The following CDIN1 variants were observed in gnomAD, a reference collection of about 807,000 sequenced individuals.
The protein encoded by CDIN1 is CDAN1 interacting nuclease 1.
CDIN1 carries 33 observed loss-of-function variants against 45.3 expected under a neutral mutation model. That is an observed-to-expected ratio of 0.73 (90% CI 0.55 to 0.97). The LOEUF (loss-of-function observed/expected upper bound fraction) is 0.97. Among genes scored for constraint, CDIN1 ranks in the 50% least tolerant of loss-of-function variants. The pLI is 0.00. For missense variants in CDIN1, 303 were observed against 339.4 expected (o/e 0.89, Z 0.84); for synonymous variants, 118 against 124.4 (o/e 0.95, Z 0.34).
intron 4 of CDIN1, among the ~76,000 whole-genome samples, chr15:36,657,257 A>G (rs559028704): frequency 4.6e-5 from 7 of 152,256 alleles, no homozygotes; most frequent in African/African-American, 1.7e-4. Context: ...TATTATTAAC[A>G]TCTCTGCAAT....
intron 8 of CDIN1, 77 bp downstream of exon 8, chr15:36,697,467 TAAAGGA>T (rs1357738472): frequency 8.4e-6 from 10 of 1,190,984 alleles, no homozygotes; most frequent in Non-Finnish European, 1.1e-5. Flanking sequence ...AATCTTCCAC[TAAAGGA>T]AGAGTGAATG....
At chr15:36,632,227 T>C (rs1173796989) in intron 1 of CDIN1, among the ~76,000 whole-genome samples, 1 of 152,196 alleles carries the variant, frequency 6.6e-6, no homozygotes, top group African/African-American at 2.4e-5. Flanking sequence ...AGGGTTCCAA[T>C]TTCTCTACAT....
chr15:36,656,099 A>G (rs1458129854), intron 4 of CDIN1, among the ~76,000 whole-genome samples: 3 of 152,222 alleles, frequency 2.0e-5, no homozygotes, highest in Non-Finnish European at 4.4e-5. Flanking sequence ...TATGAAATTG[A>G]TAATGCATTA....
chr15:36,658,163 T>G (rs2040854900), intron 5 of CDIN1: 1 of 323,502 alleles, frequency 3.1e-6, no homozygotes, highest in Non-Finnish European at 5.7e-6. Flanking sequence ...ACTAAAAAAT[T>G]GATTCATCTT....
rs1196874730 is a variant in CDIN1 at position 36,764,235 on chromosome 15, T to G, written c.717-44089T>G. Among the ~76,000 whole-genome samples, 6 of 83,448 alleles carry G rather than the reference T, an allele frequency of 7.2e-5. No individual in the cohort carries two copies. In the South Asian group the frequency reaches 1.4e-3, roughly 20 times the overall value. The allele number at this position is 83,448 out of a possible 152,430, so 54.7% of individuals were successfully genotyped here. ...TTTGGTTTTTTTTTTTTTTTTTTTG[T>G]CATTGTGAAATCTGCTGTGTTATAA... On this transcript the variant is annotated intron_variant, in intron 10 of 10. Coordinates refer to ENST00000566621, the MANE Select transcript of CDIN1 (RefSeq NM_001321759.2).
chr15:36,635,714 G>T (rs925034417), intron 1 of CDIN1, among the ~76,000 whole-genome samples: 1 of 152,112 alleles, frequency 6.6e-6, no homozygotes, highest in Non-Finnish European at 1.5e-5. Flanking sequence ...AACTTTGTTC[G>T]GGGAGTTATA....
chr15:36,600,661 T>C (rs1326693740), intron 1 of CDIN1, among the ~76,000 whole-genome samples: 1 of 152,206 alleles, frequency 6.6e-6, no homozygotes, highest in African/African-American at 2.4e-5. Flanking sequence ...AAGATTTGTT[T>C]ATGGCTTGGT....
rs553433090 is a variant in CDIN1, at chr15:36,800,832, AAT to A, written c.717-7483_717-7482del. Among the ~76,000 whole-genome samples the A allele has an allele frequency of 2.3e-3, 331 of 143,400 alleles. 5 individuals are homozygous for A. The highest frequency in any genetic ancestry group is 2.8e-3 in the Non-Finnish European group (183 of 66,000). 94.1% of individuals were successfully genotyped at this position (143,400 alleles called of 152,430 possible). A position where few individuals can be genotyped will look rare whatever the true frequency, so the allele number is the denominator to read the frequency against. On this transcript the variant is annotated intron_variant, in intron 10 of 10. Transcript: ENST00000566621. ...AGCAACTCATAATAAGAGAAAAAGA[AAT>A]ATATATATGATTATGATTATACATA...
Position 36,655,897 on chromosome 15 carries a change from A to G in CDIN1, c.273+1739A>G, listed in dbSNP as rs79433305. 7.0e-3 allele frequency among the ~76,000 whole-genome samples: 1,072 copies of G among 152,290 alleles called. 10 individuals carry two copies. The highest frequency in any genetic ancestry group is 0.024 in the African/African-American group (1,011 of 41,550). Reference sequence around the variant, plus strand: ...ATGGATAGTTCTATATCCATTAAATATTTAGCTGACCTCAGTTTCAGTCTT... The same window carrying G: ...ATGGATAGTTCTATATCCATTAAATGTTTAGCTGACCTCAGTTTCAGTCTT... On this transcript the variant is annotated intron_variant, in intron 4 of 10. Transcript: ENST00000566621.
At chr15:36,779,223 G>T (rs948759629) in intron 10 of CDIN1, among the ~76,000 whole-genome samples, 5 of 152,168 alleles carry the variant, frequency 3.3e-5, no homozygotes, top group Non-Finnish European at 7.3e-5. Context: ...CCTAAACAAT[G>T]AATCTATTCG....
chr15:36,604,418 T>TACACACACAC (rs144533313), intron 1 of CDIN1, among the ~76,000 whole-genome samples: 5,964 of 128,754 alleles, frequency 0.046, 190 homozygotes, highest in Middle Eastern at 0.087. Context: ...TTTTAAAAGG[T>TACACACACAC]ACACACACAC....
chr15:36,751,228 T>TA (rs1566949709), intron 10 of CDIN1, among the ~76,000 whole-genome samples: 44 of 65,896 alleles, frequency 6.7e-4, no homozygotes, highest in Middle Eastern at 0.015. Flanking sequence ...ATATGCTTAT[T>TA]TTATATATAT....
chr15:36,625,112 C>G (rs2140325994), intron 1 of CDIN1, among the ~76,000 whole-genome samples: 1 of 151,872 alleles, frequency 6.6e-6, no homozygotes, highest in East Asian at 1.9e-4. Context: ...CCCGTCTCTA[C>G]TAAAAATACA....
chr15:36,808,416 C>T lies in CDIN1; in HGVS notation c.809C>T (p.Pro270Leu). Reference protein sequence around the residue: ...ERGILLKACFPTNIVTLCHSI... With the variant: ...ERGILLKACFLTNIVTLCHSI... Reference sequence around the variant, plus strand: ...GGCATCCTGCTCAAAGCCTGTTTCCCCACGAACATTGTCACCTTATGCCAC... The same window carrying T: ...GGCATCCTGCTCAAAGCCTGTTTCCTCACGAACATTGTCACCTTATGCCAC... The change falls in exon 11 of 11, where the codon CCC becomes CTC. Residue 270 changes from proline (P) to leucine (L), a missense_variant. Physicochemically the swap from Pro to Leu is moderately conservative, Grantham distance 98 (BLOSUM62 -3). Coordinates refer to ENST00000566621, the MANE Select transcript of CDIN1 (RefSeq NM_001321759.2). 1.2e-6 allele frequency: 2 copies of T among 1,613,508 alleles called. No individual in the cohort carries two copies. Among genetic ancestry groups the T allele is most frequent in the Non-Finnish European group, 1.7e-6 (2 of 1,179,610 alleles).
chr15:36,661,120 G>A (rs1308392427), intron 5 of CDIN1, among the ~76,000 whole-genome samples: 1 of 152,202 alleles, frequency 6.6e-6, no homozygotes, highest in East Asian at 1.9e-4. Flanking sequence ...GTGGATGGCA[G>A]TGCTGGTGCT....
intron 10 of CDIN1, among the ~76,000 whole-genome samples, chr15:36,754,840 GATTA>G (rs1473770948): frequency 1.3e-5 from 2 of 152,078 alleles, no homozygotes; most frequent in Non-Finnish European, 2.9e-5. Context: ...TATTGGGGAT[GATTA>G]ATTAAGCGTA....
At chr15:36,604,452 C>CACACACACACACACACACAA (rs2038265731) in intron 1 of CDIN1, among the ~76,000 whole-genome samples, 1 of 151,436 alleles carries the variant, frequency 6.6e-6, no homozygotes, top group East Asian at 1.9e-4. Flanking sequence ...CACACACACA[C>CACACACACACACACACACAA]ACACATTTTA....
chr15:36,630,145 C>G (rs968699691), intron 1 of CDIN1, among the ~76,000 whole-genome samples: 1 of 152,142 alleles, frequency 6.6e-6, no homozygotes, highest in Non-Finnish European at 1.5e-5. Context: ...CCTTGATCTT[C>G]TCACTCTGTG....
intron 10 of CDIN1, among the ~76,000 whole-genome samples, chr15:36,716,426 G>T (rs1301288741): frequency 6.6e-6 from 1 of 152,152 alleles, no homozygotes; most frequent in Non-Finnish European, 1.5e-5. Context: ...AATATCGGGA[G>T]TATAGTTATT....
Sources: gnomAD v4.1 joint callset for allele counts (sites outside exome capture counted in the v4.1 genomes callset) on GRCh38, gnomAD v4.1.1 for gene constraint, MANE v1.5 for transcripts, NCBI Gene and HGNC (gene_info 2026-07-23, HGNC 2026-07-21) for gene names.